AGAP1: variants seen among roughly 807,000 people sequenced by gnomAD.
AGAP1 encodes the protein ArfGAP with GTPase domain, ankyrin repeat and PH domain 1, also known as arf-GAP with GTPase, ANK repeat and PH domain-containing protein 1.
A neutral mutation model predicts 105.3 loss-of-function variants in AGAP1; 29 were observed. The observed-to-expected ratio is 0.28, with a 90% CI of 0.21 to 0.38. The LOEUF is 0.38. Ranked by LOEUF, AGAP1 falls within the 10% of genes least tolerant of loss-of-function variation. The pLI, the probability that AGAP1 is intolerant of heterozygous loss-of-function variation, is 1.00. For synonymous variants in AGAP1, 509 were observed against 485.9 expected, an observed-to-expected ratio of 1.05 and a Z score of -0.63; for missense variants, 998 against 1,165.1, an observed-to-expected ratio of 0.86 and a Z score of 2.09.
Position 235,777,618 on chromosome 2 carries a change from T to C in AGAP1, c.674-20141T>C, listed in dbSNP as rs552968299. Among the ~76,000 whole-genome samples, 1 of 152,276 alleles carries C rather than the reference T, an allele frequency of 6.6e-6. No homozygotes were observed. The highest frequency in any genetic ancestry group is 2.1e-4 in the South Asian group (1 of 4,822). Reference sequence around the variant, plus strand: ...CACCTGCACCCCTCCAATCGCCTTCTCAGAATCCGACGCTGGTCCTAAGTG... The same window carrying C: ...CACCTGCACCCCTCCAATCGCCTTCCCAGAATCCGACGCTGGTCCTAAGTG... On this transcript the variant is annotated intron_variant, in intron 6 of 17. Coordinates refer to ENST00000304032, the MANE Select transcript of AGAP1 (RefSeq NM_001037131.3). The surrounding 1 kb of genome is among the most constrained non-coding windows in gnomAD (Gnocchi z 5.1).
intron 1 of AGAP1, among the ~76,000 whole-genome samples, chr2:235,547,427 C>T (rs933261442): frequency 2.0e-5 from 3 of 149,182 alleles, no homozygotes; most frequent in Admixed American, 6.7e-5. Context: ...GGTGCGATCT[C>T]GGCTCACTGC....
chr2:235,702,934 G>GGTTTTTTTTTTTTTTTTTTTTTT (rs1950324299), intron 1 of AGAP1, among the ~76,000 whole-genome samples: 3 of 88,946 alleles, frequency 3.4e-5, no homozygotes, highest in East Asian at 5.8e-4. Context: ...AGTTTTCTTG[G>GGTTTTTTTTTTTTTTTTTTTTTT]TTTTTTTTTT....
rs10700794 is a variant in AGAP1 at position 235,686,556 on chromosome 2, TACACACACACACAC to T, written c.164-22604_164-22591del. Among the ~76,000 whole-genome samples the T allele has an allele frequency of 6.9e-5, 7 of 101,872 alleles. No homozygotes were observed. In the Admixed American group the frequency reaches 8.2e-4, roughly 12 times the overall value. The allele number at this position is 101,872 out of a possible 152,430, so 66.8% of individuals were successfully genotyped here. A position where few individuals can be genotyped will look rare whatever the true frequency, so the allele number is the denominator to read the frequency against. On this transcript the variant is annotated intron_variant, in intron 1 of 17. Transcript: ENST00000304032. ...GGTTCCCAGGAAGGAGATATATATA[TACACACACACACAC>T]ACACACACACACACACACGTGTGTG... is the stretch of plus-strand genomic sequence containing the variant.
At chr2:235,589,186 A>ATTTTTTTTTTTTTTTTTTTT (rs1559270688) in intron 1 of AGAP1, among the ~76,000 whole-genome samples, 2 of 35,086 alleles carry the variant, frequency 5.7e-5, no homozygotes, top group Non-Finnish European at 1.2e-4. Flanking sequence ...TTAATAGCTT[A>ATTTTTTTTTTTTTTTTTTTT]TTGTTTTGTT....
chr2:235,878,216 A>G (rs1376390188), intron 9 of AGAP1, among the ~76,000 whole-genome samples: 1 of 152,222 alleles, frequency 6.6e-6, no homozygotes, highest in Non-Finnish European at 1.5e-5. Flanking sequence ...GAAGTCACAA[A>G]CACCGCGTGC....
chr2:235,505,134 C>G (rs1941740074), intron 1 of AGAP1, among the ~76,000 whole-genome samples: 1 of 152,232 alleles, frequency 6.6e-6, no homozygotes, highest in African/African-American at 2.4e-5. Context: ...AAAGGGAATT[C>G]ACTCTGTATG....
chr2:235,593,492 C>G (rs747229131), intron 1 of AGAP1, among the ~76,000 whole-genome samples: 1 of 152,106 alleles, frequency 6.6e-6, no homozygotes, highest in Non-Finnish European at 1.5e-5. Context: ...TTAAATGTTT[C>G]TGATGAACTG....
rs774332862 is a variant in AGAP1, at chr2:235,615,361, G to A, written c.164-93818G>A. 1.3e-5 allele frequency among the ~76,000 whole-genome samples: 2 copies of A among 152,178 alleles called. No homozygotes were observed. Among genetic ancestry groups the A allele is most frequent in the Non-Finnish European group, 2.9e-5 (2 of 68,042 alleles). On this transcript the variant is annotated intron_variant, in intron 1 of 17. Transcript: ENST00000304032. This position sits in a 1 kb window ranked among gnomAD's most constrained non-coding sequence, Gnocchi z 5.0. ...TCCCACTGAGGAGCTTGCCAGTATTGTTACAATTGGAGTGATCTCATATGA... is the reference window on the plus strand; with the variant it reads ...TCCCACTGAGGAGCTTGCCAGTATTATTACAATTGGAGTGATCTCATATGA...
intron 1 of AGAP1, among the ~76,000 whole-genome samples, chr2:235,699,665 C>G (rs1950161319): frequency 6.6e-6 from 1 of 152,196 alleles, no homozygotes; most frequent in Non-Finnish European, 1.5e-5. Flanking sequence ...AACTCAGAAG[C>G]ATTTTTGGTT....
At chr2:235,828,068 GC>G in intron 9 of AGAP1, among the ~76,000 whole-genome samples, 1 of 152,210 alleles carries the variant, frequency 6.6e-6, no homozygotes, top group Admixed American at 6.5e-5. Context: ...AAAGATGAGA[GC>G]AGATGGGGAT....
At chr2:235,564,056 A>C (rs1944258206) in intron 1 of AGAP1, among the ~76,000 whole-genome samples, 1 of 152,236 alleles carries the variant, frequency 6.6e-6, no homozygotes, top group African/African-American at 2.4e-5. Flanking sequence ...CGATTGGAGG[A>C]AATGTCACCG....
At chr2:235,923,092 A>G (rs1412765038) in intron 11 of AGAP1, among the ~76,000 whole-genome samples, 1 of 152,170 alleles carries the variant, frequency 6.6e-6, no homozygotes, top group African/African-American at 2.4e-5. Context: ...TGATCCGTAG[A>G]TGGGGTATTT....
Position 235,553,927 on chromosome 2 carries a change from G to A in AGAP1, c.163+59078G>A, listed in dbSNP as rs905644547. ...CTCCCACCCCACCCCGTGGTGCGGC[G>A]TGTGCCAAGACCAGCCCTCTGAGGT... On this transcript the variant is annotated intron_variant, in intron 1 of 17. Coordinates refer to ENST00000304032, the MANE Select transcript of AGAP1 (RefSeq NM_001037131.3). This position sits in a 1 kb window ranked among gnomAD's most constrained non-coding sequence, Gnocchi z 4.5. 6.6e-6 allele frequency among the ~76,000 whole-genome samples: 1 copy of A among 152,218 alleles called. No homozygotes were observed. The highest frequency in any genetic ancestry group is 1.5e-5 in the Non-Finnish European group (1 of 68,040).
intron 11 of AGAP1, among the ~76,000 whole-genome samples, chr2:235,916,005 T>C (rs978566071): frequency 1.1e-4 from 17 of 152,138 alleles, no homozygotes; most frequent in African/African-American, 4.1e-4. Context: ...ATAATGGAAA[T>C]ATTCCCTCCT....
chr2:236,059,920 G>A (rs552666526), intron 16 of AGAP1, among the ~76,000 whole-genome samples: 2 of 152,206 alleles, frequency 1.3e-5, no homozygotes, highest in African/African-American at 4.8e-5. Flanking sequence ...GTGAAACCCC[G>A]TCTCTCCTAA....
In AGAP1 at chr2:235,958,504, G is replaced by A. The variant is rs1295081383; in HGVS notation, c.1484-9958G>A. On this transcript the variant is annotated intron_variant, in intron 12 of 17. Coordinates refer to ENST00000304032, the MANE Select transcript of AGAP1 (RefSeq NM_001037131.3). The surrounding 1 kb of genome is among the most constrained non-coding windows in gnomAD (Gnocchi z 4.1). Reference sequence around the variant, plus strand: ...GACTCATCTCTTGAATATCACCCGGGATATCAAAAACCTATCAGCACACCT... The same window carrying A: ...GACTCATCTCTTGAATATCACCCGGAATATCAAAAACCTATCAGCACACCT... 6.6e-6 allele frequency among the ~76,000 whole-genome samples: 1 copy of A among 152,066 alleles called. No individual in the cohort carries two copies. The highest frequency in any genetic ancestry group is 1.5e-5 in the Non-Finnish European group (1 of 68,014).
At chr2:235,767,093 T>G (rs542865843) in intron 6 of AGAP1, among the ~76,000 whole-genome samples, 81 of 152,232 alleles carry the variant, frequency 5.3e-4, no homozygotes, top group Non-Finnish European at 8.7e-4. Flanking sequence ...GTATTTTTAG[T>G]AGAAATGGGA....
chr2:235,502,556 C>T lies in AGAP1; in HGVS notation c.163+7707C>T, dbSNP rs541509370. On this transcript the variant is annotated intron_variant, in intron 1 of 17. Coordinates refer to ENST00000304032, the MANE Select transcript of AGAP1 (RefSeq NM_001037131.3). ...TCATTTGCAAATTTCACACTTCTCC[C>T]GCTGTTTGATGGGGATTGTCTTTTT... 3.2e-4 allele frequency among the ~76,000 whole-genome samples: 49 copies of T among 152,212 alleles called. 1 individual carries two copies. The highest frequency in any genetic ancestry group is 1.0e-3 in the South Asian group (5 of 4,814).
chr2:235,565,400 G>T (rs961927834), intron 1 of AGAP1, among the ~76,000 whole-genome samples: 17 of 152,192 alleles, frequency 1.1e-4, no homozygotes, highest in South Asian at 2.1e-4. Context: ...AGGAATGAAG[G>T]GGGTACTTTA....
Sources: gnomAD v4.1 joint callset for allele counts (sites outside exome capture counted in the v4.1 genomes callset) on GRCh38, gnomAD v4.1.1 for gene constraint, Gnocchi (gnomAD v3.1) non-coding constraint, MANE v1.5 for transcripts, NCBI Gene and HGNC (gene_info 2026-07-23, HGNC 2026-07-21) for gene names.